GRM1: variants seen among roughly 807,000 people sequenced by gnomAD.
GRM1 encodes the protein metabotropic glutamate receptor 1.
In GRM1, 33 loss-of-function variants were observed where a neutral mutation model predicts 90.9. The observed-to-expected ratio is 0.36, with a 90% CI of 0.28 to 0.49. The LOEUF (loss-of-function observed/expected upper bound fraction) is 0.49. GRM1 is among the 20% of genes least tolerant of loss of function. The probability of loss-of-function intolerance (pLI) is 0.99; values close to 1 mark genes in which losing one functional copy is unlikely to be tolerated. For missense variants in GRM1, 1,190 were observed against 1,534.3 expected (o/e 0.78, Z 3.75); for synonymous variants, 700 against 613.2 (o/e 1.14, Z -2.09).
intron 2 of GRM1, among the ~76,000 whole-genome samples, chr6:146,299,755 T>G (rs1783307809): frequency 6.6e-6 from 1 of 152,174 alleles, no homozygotes; most frequent in African/African-American, 2.4e-5. Flanking sequence ...GCATCTCTTC[T>G]GCAGCATTTG....
chr6:146,035,358 A>T (rs1035367098), intron 1 of GRM1, among the ~76,000 whole-genome samples: 3 of 152,110 alleles, frequency 2.0e-5, no homozygotes, highest in South Asian at 4.2e-4. Flanking sequence ...CCAAGAGAAC[A>T]TATATTATTG....
chr6:146,370,834 G>C (rs941803927), intron 5 of GRM1, among the ~76,000 whole-genome samples: 1 of 152,008 alleles, frequency 6.6e-6, no homozygotes, highest in Non-Finnish European at 1.5e-5. Context: ...GCACCCTGTG[G>C]AGTAATCAAG....
At chr6:146,282,126 C>T (rs1468263355) in intron 2 of GRM1, among the ~76,000 whole-genome samples, 1 of 151,190 alleles carries the variant, frequency 6.6e-6, no homozygotes, top group African/African-American at 2.4e-5. Flanking sequence ...CCTTTGTGTA[C>T]CTTTAACAGG....
intron 3 of GRM1, among the ~76,000 whole-genome samples, chr6:146,342,364 A>G (rs1424179667): frequency 2.0e-5 from 3 of 152,214 alleles, no homozygotes; most frequent in East Asian, 3.8e-4. Context: ...GCAATCAGGG[A>G]CAAATTTTAT....
Position 146,434,639 on chromosome 6 carries a change from C to G in GRM1, c.3428C>G (p.Pro1143Arg), listed in dbSNP as rs745881707. Residue 1143 changes from proline (P) to arginine (R), a missense_variant, in exon 8 of 8, where the codon CCT (proline) becomes CGT (arginine). Coordinates refer to ENST00000282753, the MANE Select transcript of GRM1 (RefSeq NM_001278064.2). The stretch of plus-strand genomic sequence containing the variant: ...AGCAAACTGACCCCGGATGATTCGC[C>G]TGCGCTGACGCCTCCGTCGCCTTTC... ...AASKLTPDDS[P>R]ALTPPSPFRD... 3 of 1,611,078 alleles carry G rather than the reference C, an allele frequency of 1.9e-6. No homozygotes were observed. Among genetic ancestry groups the G allele is most frequent in the South Asian group, 2.2e-5 (2 of 91,092 alleles).
At chr6:146,201,370 A>G (rs1191775127) in intron 2 of GRM1, among the ~76,000 whole-genome samples, 1 of 152,218 alleles carries the variant, frequency 6.6e-6, no homozygotes, top group African/African-American at 2.4e-5. Flanking sequence ...GGCTGCTATA[A>G]CAACATGATA....
chr6:146,162,239 A>G (rs1158837060), intron 2 of GRM1, among the ~76,000 whole-genome samples: 2 of 152,174 alleles, frequency 1.3e-5, no homozygotes, highest in African/African-American at 2.4e-5. Context: ...CAAGAAGGGC[A>G]TTGTGTAGGT....
chr6:146,214,933 A>C (rs1779817733), intron 2 of GRM1, among the ~76,000 whole-genome samples: 2 of 152,184 alleles, frequency 1.3e-5, no homozygotes, highest in Non-Finnish European at 2.9e-5. Flanking sequence ...TTTAACGTAG[A>C]GTCTGTAGCA....
chr6:146,291,871 A>G (rs1782995790), intron 2 of GRM1, among the ~76,000 whole-genome samples: 1 of 152,038 alleles, frequency 6.6e-6, no homozygotes, highest in Admixed American at 6.5e-5. Flanking sequence ...ATATTGAAAC[A>G]GAAAAAGAAA....
intron 2 of GRM1, among the ~76,000 whole-genome samples, chr6:146,229,045 T>G (rs1178540028): frequency 6.6e-6 from 1 of 152,146 alleles, no homozygotes; most frequent in Non-Finnish European, 1.5e-5. Flanking sequence ...TCTTTTAAGC[T>G]TATCCATGTT....
chr6:146,220,508 T>C (rs79497091), intron 2 of GRM1, among the ~76,000 whole-genome samples: 1,726 of 152,284 alleles, frequency 0.011, 72 homozygotes, highest in East Asian at 0.079. Flanking sequence ...AATGTCATGT[T>C]TTACTCTGTT....
chr6:146,199,384 G>A (rs1779223903), intron 2 of GRM1, among the ~76,000 whole-genome samples: 1 of 152,150 alleles, frequency 6.6e-6, no homozygotes, highest in Non-Finnish European at 1.5e-5. Flanking sequence ...GTCCCCCAGT[G>A]TTCTTGCTGG....
chr6:146,396,836 A>G (rs1017192676), intron 6 of GRM1, among the ~76,000 whole-genome samples: 4 of 152,216 alleles, frequency 2.6e-5, no homozygotes, highest in African/African-American at 9.6e-5. Context: ...TTTCAAAACC[A>G]AAGGTTATAT....
At chr6:146,188,953 G>A (rs1199042795) in intron 2 of GRM1, among the ~76,000 whole-genome samples, 1 of 152,118 alleles carries the variant, frequency 6.6e-6, no homozygotes, top group South Asian at 2.1e-4. Context: ...TGAAAACATA[G>A]TCTATGCTAA....
chr6:146,284,367 A>G (rs950163299), intron 2 of GRM1, among the ~76,000 whole-genome samples: 2 of 152,236 alleles, frequency 1.3e-5, no homozygotes, highest in Non-Finnish European at 2.9e-5. Context: ...CTACATACAT[A>G]TATATTAAAG....
chr6:146,113,429 A>G (rs1370957479), intron 1 of GRM1, among the ~76,000 whole-genome samples: 1 of 152,234 alleles, frequency 6.6e-6, no homozygotes, highest in Non-Finnish European at 1.5e-5. Context: ...AGGATAGAGC[A>G]CTAACAAGGC....
intron 3 of GRM1, among the ~76,000 whole-genome samples, chr6:146,322,824 A>T (rs549197497): frequency 4.0e-5 from 6 of 151,872 alleles, no homozygotes; most frequent in Admixed American, 1.3e-4. Flanking sequence ...TCATTGTTCA[A>T]TTCCCACCTA....
intron 2 of GRM1, among the ~76,000 whole-genome samples, chr6:146,251,179 C>T (rs142632482): frequency 6.6e-6 from 1 of 152,276 alleles, no homozygotes; most frequent in East Asian, 1.9e-4. Flanking sequence ...TAATTGCCTA[C>T]ATTAAAACCA....
At chr6:146,028,862 G>A (rs924639828), upstream of GRM1, among the ~76,000 whole-genome samples, 2 of 152,188 alleles carry the variant, frequency 1.3e-5, no homozygotes, top group African/African-American at 4.8e-5. Flanking sequence ...CTCTTGGGTT[G>A]AAGGACCTAG....
Sources: gnomAD v4.1 joint callset for allele counts (sites outside exome capture counted in the v4.1 genomes callset) on GRCh38, gnomAD v4.1.1 for gene constraint, MANE v1.5 for transcripts, NCBI Gene and HGNC (gene_info 2026-07-23, HGNC 2026-07-21) for gene names.